WDR44: variants seen among roughly 807,000 people sequenced by gnomAD.
The protein encoded by WDR44 is WD repeat-containing protein 44.
Under a neutral mutation model 65.7 loss-of-function variants are expected in WDR44, and 9 were observed. The observed-to-expected ratio is 0.14, with a 90% CI of 0.08 to 0.24. The LOEUF is 0.24. Among genes scored for constraint, WDR44 ranks in the 10% least tolerant of loss-of-function variants. WDR44 has a pLI of 1.00. For synonymous variants in WDR44, 220 were observed against 235.2 expected (o/e 0.94, Z 0.59); for missense variants, 425 against 670.9 (o/e 0.63, Z 4.05).
In WDR44 at chrX:118,449,716, A is replaced by C. The variant is rs776275462; in HGVS notation, c.*729A>C. On this transcript the variant is annotated 3_prime_UTR_variant, in exon 20 of 20. Coordinates refer to ENST00000254029, the MANE Select transcript of WDR44 (RefSeq NM_019045.5). Reference sequence around the variant, plus strand: ...AAAAATTAAGCCACATTAAGGAGTGAGTCTTCTTTTTTACAATAATGTAAA... The same window carrying C: ...AAAAATTAAGCCACATTAAGGAGTGCGTCTTCTTTTTTACAATAATGTAAA... The C allele has an allele frequency of 2.7e-5, 3 of 111,839 alleles. No homozygotes were observed. In the East Asian group the frequency reaches 8.3e-4, roughly 31 times the overall value. The allele number at this position is 111,839 out of a possible 1,213,427, so 9.2% of individuals were successfully genotyped here.
intron 12 of WDR44, among the ~76,000 whole-genome samples, chrX:118,415,641 T>C (rs2057051087): frequency 9.0e-6 from 1 of 110,915 alleles, no homozygotes; most frequent in South Asian, 3.9e-4. Context: ...GTAGCTGGGA[T>C]TACAGGCACA....
At chrX:118,389,786 T>G (rs765389642) in intron 3 of WDR44, among the ~76,000 whole-genome samples, 1 of 106,425 alleles carries the variant, frequency 9.4e-6, no homozygotes, top group Non-Finnish European at 1.9e-5. Context: ...ACTGAAGGCA[T>G]GGAGGTGGGG....
At chrX:118,393,760 A>T (rs2056841867) in intron 4 of WDR44, among the ~76,000 whole-genome samples, 2 of 112,116 alleles carry the variant, frequency 1.8e-5, no homozygotes, top group African/African-American at 6.5e-5. Context: ...CATTGGTGAA[A>T]ATTACTTTAC....
In WDR44 at chrX:118,382,975, G is replaced by A. The variant is rs928421609; in HGVS notation, c.112-4365G>A. Reference sequence around the variant, plus strand: ...ATTGGTTGTCTGTGGACACATGCTTGGCTTCCATTCCTTTGTCCCAAAAGC... The same window carrying A: ...ATTGGTTGTCTGTGGACACATGCTTAGCTTCCATTCCTTTGTCCCAAAAGC... On this transcript the variant is annotated intron_variant, in intron 2 of 19. Transcript: ENST00000254029. Among the ~76,000 whole-genome samples the A allele has an allele frequency of 8.9e-5, 10 of 111,908 alleles. 1 individual carries two copies. Among genetic ancestry groups the A allele is most frequent in the Admixed American group, 1.9e-4 (2 of 10,474 alleles).
chrX:118,376,004 G>A (rs1201065771), intron 1 of WDR44, among the ~76,000 whole-genome samples: 1 of 112,049 alleles, frequency 8.9e-6, no homozygotes, highest in Non-Finnish European at 1.9e-5. Context: ...TTAGAGTGCA[G>A]TAGCACAATC....
At chrX:118,400,938 C>T (rs1243326897) in intron 8 of WDR44, among the ~76,000 whole-genome samples, 10 of 91,920 alleles carry the variant, frequency 1.1e-4, no homozygotes, top group African/African-American at 2.1e-4. Context: ...TTTGTTCTTG[C>T]GATAGTTTAC....
chrX:118,377,958 T>C (rs1470787454), intron 1 of WDR44, among the ~76,000 whole-genome samples: 1 of 109,126 alleles, frequency 9.2e-6, no homozygotes, highest in Non-Finnish European at 1.9e-5. Flanking sequence ...CTCCACTTTT[T>C]TTTTCTTTTT....
intron 12 of WDR44, among the ~76,000 whole-genome samples, chrX:118,414,257 CTTTTTTTT>C (rs565805780): frequency 4.3e-5 from 2 of 46,735 alleles, no homozygotes; most frequent in East Asian, 1.3e-3. Context: ...CTTGCGATTG[CTTTTTTTT>C]TTTTTTTTTT....
At chrX:118,412,741 G>A (rs1188071535) in intron 12 of WDR44, among the ~76,000 whole-genome samples, 4 of 110,938 alleles carry the variant, frequency 3.6e-5, no homozygotes, top group Admixed American at 2.9e-4. Context: ...AAGTTATTGG[G>A]GTACAGGTGG....
At chrX:118,366,070 A>G (rs1029941484) in intron 1 of WDR44, among the ~76,000 whole-genome samples, 6 of 93,054 alleles carry the variant, frequency 6.4e-5, no homozygotes, top group Non-Finnish European at 1.4e-4. Flanking sequence ...TAATATTAAT[A>G]GTTAGGTACT....
intron 2 of WDR44, among the ~76,000 whole-genome samples, chrX:118,384,727 A>G (rs2056750546): frequency 8.9e-6 from 1 of 111,808 alleles, no homozygotes; most frequent in South Asian, 3.7e-4. Flanking sequence ...TCTCAGTGGT[A>G]GTTTAATAGT....
chrX:118,368,696 A>AATCCACAT (rs58128873), intron 1 of WDR44, among the ~76,000 whole-genome samples: 11,959 of 93,580 alleles, frequency 0.13, 1,989 homozygotes, highest in African/African-American at 0.42. Context: ...ATGAAGTAGC[A>AATCCACAT]ATCCACATAC....
At chrX:118,386,296 A>G (rs902749977) in intron 2 of WDR44, 8 of 319,409 alleles carry the variant, frequency 2.5e-5, no homozygotes, top group Non-Finnish European at 4.2e-5. Context: ...TAAATAGACA[A>G]CTTAAGATTG....
chrX:118,444,409 G>A lies in WDR44; in HGVS notation c.2562G>A (p.Leu854=), dbSNP rs757531436. The change falls in exon 19 of 20, where the codon TTG becomes TTA. Residue 854 remains leucine (L), a synonymous_variant. Coordinates refer to ENST00000254029, the MANE Select transcript of WDR44 (RefSeq NM_019045.5). ...CCATCTTTGCACCAAACCCAAGTTT[G>A]ATGTTATCTTTGGATGTGCAATCTG... The part of the protein sequence containing the change: ...TSAIFAPNPS[L]MLSLDVQSEK... 1.7e-6 allele frequency: 2 copies of A among 1,210,987 alleles called. No homozygotes were observed. Among genetic ancestry groups the A allele is most frequent in the Admixed American group, 2.2e-5 (1 of 45,955 alleles).
intron 1 of WDR44, among the ~76,000 whole-genome samples, chrX:118,352,573 C>A: frequency 9.4e-6 from 1 of 106,871 alleles, no homozygotes; most frequent in Admixed American, 1.0e-4. Context: ...AAAATAATTT[C>A]TAATTATTGG....
At chrX:118,417,532 G>C (rs1171269203) in intron 12 of WDR44, among the ~76,000 whole-genome samples, 1 of 111,649 alleles carries the variant, frequency 9.0e-6, no homozygotes, top group Non-Finnish European at 1.9e-5. Flanking sequence ...TAGCTTGTAG[G>C]GTTTCTGCTG....
At chrX:118,423,527 G>A (rs1334002367) in intron 12 of WDR44, among the ~76,000 whole-genome samples, 1 of 111,938 alleles carries the variant, frequency 8.9e-6, no homozygotes, top group Non-Finnish European at 1.9e-5. Flanking sequence ...AAAGCTGTAT[G>A]TATTTATTAT....
intron 1 of WDR44, among the ~76,000 whole-genome samples, chrX:118,350,616 C>G (rs1006734695): frequency 1.3e-4 from 14 of 110,953 alleles, no homozygotes; most frequent in African/African-American, 4.6e-4. Flanking sequence ...TAGTTCAAGA[C>G]CCATAAATTT....
At chrX:118,425,595 C>T (rs1242570266) in intron 12 of WDR44, among the ~76,000 whole-genome samples, 1 of 110,013 alleles carries the variant, frequency 9.1e-6, no homozygotes, top group Admixed American at 9.7e-5. Flanking sequence ...TTGCAGTGAG[C>T]CAAGATCACA....
Sources: allele counts gnomAD v4.1 joint callset (sites outside exome capture counted in the v4.1 genomes callset), GRCh38; gene constraint gnomAD v4.1.1; transcripts MANE v1.5; gene names NCBI Gene and HGNC (gene_info 2026-07-23, HGNC 2026-07-21).